Variants in PDE8A observed in about 807,000 individuals in gnomAD.
PDE8A encodes phosphodiesterase 8A, also known as high affinity cAMP-specific and IBMX-insensitive 3',5'-cyclic phosphodiesterase 8A.
Under a neutral mutation model 105.0 loss-of-function variants are expected in PDE8A, and 59 were observed. That is an observed-to-expected ratio of 0.56 (90% confidence interval 0.46 to 0.70). The LOEUF (loss-of-function observed/expected upper bound fraction) is 0.70, where lower values mean the gene tolerates loss of function less well. Among genes scored for constraint, PDE8A ranks in the 30% least tolerant of loss-of-function variants. The probability of loss-of-function intolerance (pLI) is 0.00; values close to 1 mark genes in which losing one functional copy is unlikely to be tolerated. For missense variants in PDE8A, 1,014 were observed against 1,045.9 expected, an observed-to-expected ratio of 0.97 and a Z score of 0.42; for synonymous variants, 355 against 371.9, an observed-to-expected ratio of 0.95 and a Z score of 0.52.
intron 1 of PDE8A, among the ~76,000 whole-genome samples, chr15:85,031,729 C>T (rs1444414840): frequency 6.6e-6 from 1 of 152,094 alleles, no homozygotes; most frequent in African/African-American, 2.4e-5. Flanking sequence ...TTAAGATGTT[C>T]TGTGGTACAT....
At chr15:84,984,780 A>C (rs1045306972) in intron 1 of PDE8A, among the ~76,000 whole-genome samples, 3 of 152,212 alleles carry the variant, frequency 2.0e-5, no homozygotes, top group Admixed American at 2.0e-4. Flanking sequence ...AATATCCCTA[A>C]TCAGAAAATG....
Position 85,117,711 on chromosome 15 carries a change from T to G in PDE8A, c.1606T>G (p.Ser536Ala). 1 of 1,614,040 alleles carries G rather than the reference T, an allele frequency of 6.2e-7. No individual in the cohort carries two copies. The highest frequency in any genetic ancestry group is 1.7e-5 in the Admixed American group (1 of 60,032). Reference protein sequence around the residue: ...GICEFLHCSESTLRSWLQIIE... With the variant: ...GICEFLHCSEATLRSWLQIIE... ...CTGTGAATTCTTACACTGCTCCGAG[T>G]CAACGCTAAGATCATGGTTACAAAT... The change falls in exon 17 of 22, where the codon TCA becomes GCA. Residue 536 changes from serine to alanine, a missense_variant. Ser to Ala is a moderately conservative substitution (Grantham distance 99, BLOSUM62 1). Coordinates refer to ENST00000394553, the MANE Select transcript of PDE8A (RefSeq NM_002605.3).
chr15:85,109,144 A>G lies in PDE8A; in HGVS notation c.1114+14A>G. On this transcript the variant is annotated intron_variant, in intron 12 of 21. Coordinates refer to ENST00000394553, the MANE Select transcript of PDE8A (RefSeq NM_002605.3). ...GTGCAACTGAAGGTGAGTGACAAAG[A>G]CAAGAGAAAAAAATGTGATCAAATC... 1.9e-6 allele frequency: 3 copies of G among 1,583,882 alleles called. No individual in the cohort carries two copies. Among genetic ancestry groups the G allele is most frequent in the Non-Finnish European group, 2.6e-6 (3 of 1,153,304 alleles).
intron 1 of PDE8A, among the ~76,000 whole-genome samples, chr15:85,044,539 A>G (rs76564153): frequency 0.028 from 4,283 of 152,324 alleles, 95 homozygotes; most frequent in Non-Finnish European, 0.045. Flanking sequence ...CCAAATTTCC[A>G]TGCCACAATG....
chr15:85,012,958 A>G (rs963859399), intron 1 of PDE8A, among the ~76,000 whole-genome samples: 5 of 152,198 alleles, frequency 3.3e-5, no homozygotes, highest in African/African-American at 1.2e-4. Flanking sequence ...GGAGAACCTG[A>G]TCCACTGTTA....
intron 1 of PDE8A, among the ~76,000 whole-genome samples, chr15:84,990,635 G>C (rs1213999397): frequency 1.2e-4 from 18 of 152,070 alleles, no homozygotes; most frequent in Admixed American, 1.1e-3. Context: ...TTTTGTTATT[G>C]GATACTAGGG....
At chr15:85,042,474 C>G (rs1411361294) in intron 1 of PDE8A, among the ~76,000 whole-genome samples, 1 of 152,168 alleles carries the variant, frequency 6.6e-6, no homozygotes, top group Non-Finnish European at 1.5e-5. Context: ...ATGGTTTTAA[C>G]AGTACAGCCT....
intron 1 of PDE8A, among the ~76,000 whole-genome samples, chr15:85,056,631 A>G (rs1035673635): frequency 6.6e-5 from 10 of 152,170 alleles, no homozygotes; most frequent in Non-Finnish European, 1.3e-4. Context: ...TGTGTCACAT[A>G]GTTCTCATGT....
Position 85,075,857 on chromosome 15 carries a change from T to C in PDE8A, c.435-5T>C. On this transcript the variant is annotated splice_polypyrimidine_tract_variant and splice_region_variant and intron_variant, in intron 3 of 21. Coordinates refer to ENST00000394553, the MANE Select transcript of PDE8A (RefSeq NM_002605.3). Reference sequence around the variant, plus strand: ...TTTATTTTAAAGTTTTGTGTTTTTTTTAAGGTCTATCAGATCATCAAAACT... The same window carrying C: ...TTTATTTTAAAGTTTTGTGTTTTTTCTAAGGTCTATCAGATCATCAAAACT... The C allele has an allele frequency of 6.8e-7, 1 of 1,479,694 alleles. No individual in the cohort carries two copies. Among genetic ancestry groups the C allele is most frequent in the Non-Finnish European group, 9.3e-7 (1 of 1,075,460 alleles). 91.7% of individuals were successfully genotyped at this position (1,479,694 alleles called of 1,614,324 possible).
chr15:85,008,515 A>G (rs559763207), intron 1 of PDE8A, among the ~76,000 whole-genome samples: 1 of 151,834 alleles, frequency 6.6e-6, no homozygotes, highest in Non-Finnish European at 1.5e-5. Flanking sequence ...TCTGGGCCCC[A>G]TTTTTAATAA....
chr15:84,997,289 GC>G (rs1393236446), intron 1 of PDE8A, among the ~76,000 whole-genome samples: 1 of 151,868 alleles, frequency 6.6e-6, no homozygotes, highest in African/African-American at 2.4e-5. Context: ...TGTCTCCTGG[GC>G]TCAAGTGATC....
intron 1 of PDE8A, among the ~76,000 whole-genome samples, chr15:85,057,386 C>T (rs1372332703): frequency 6.6e-6 from 1 of 152,198 alleles, no homozygotes; most frequent in South Asian, 2.1e-4. Context: ...GCCTTTTGTT[C>T]AGCTATGCCC....
At chr15:85,005,674 A>G (rs2080134797) in intron 1 of PDE8A, among the ~76,000 whole-genome samples, 1 of 152,182 alleles carries the variant, frequency 6.6e-6, no homozygotes, top group Non-Finnish European at 1.5e-5. Context: ...CACCTTATAC[A>G]CCTGTGGTGA....
chr15:85,107,584 A>G (rs1413294662), intron 11 of PDE8A, among the ~76,000 whole-genome samples: 1 of 152,156 alleles, frequency 6.6e-6, no homozygotes, highest in Admixed American at 6.6e-5. Flanking sequence ...TGGCTGACCC[A>G]GTGGAAGGAG....
chr15:85,057,681 C>T (rs766833040), intron 1 of PDE8A, among the ~76,000 whole-genome samples: 12 of 152,212 alleles, frequency 7.9e-5, no homozygotes, highest in Non-Finnish European at 1.6e-4. Flanking sequence ...TGTGCTCGTA[C>T]ATGGCTTTTT....
chr15:85,019,379 T>G (rs986713330), intron 1 of PDE8A, among the ~76,000 whole-genome samples: 2 of 151,958 alleles, frequency 1.3e-5, no homozygotes, highest in African/African-American at 4.8e-5. Context: ...TTTAAAAAAT[T>G]TTTGATTTGA....
chr15:84,983,692 T>C (rs1372993725), intron 1 of PDE8A, among the ~76,000 whole-genome samples: 1 of 152,242 alleles, frequency 6.6e-6, no homozygotes, highest in African/African-American at 2.4e-5. Flanking sequence ...TTTAAAAAAG[T>C]GTTACACAGG....
intron 11 of PDE8A, among the ~76,000 whole-genome samples, chr15:85,103,430 C>T (rs66586912): frequency 0.092 from 14,008 of 152,166 alleles, 1,753 homozygotes; most frequent in African/African-American, 0.29. Context: ...GAGCCACTTG[C>T]CCATCCTACC....
At position 85,100,190 on chromosome 15, in the gene PDE8A, C is replaced by G. The variant is rs2081837521; in HGVS notation, c.1028C>G (p.Thr343Ser). 5 of 1,612,882 alleles carry G rather than the reference C, an allele frequency of 3.1e-6. No homozygotes were observed. In the South Asian group the frequency reaches 4.4e-5, roughly 14 times the overall value. ...EKISECVQSD[T>S]HTDNQTGKHK... is the part of the protein sequence containing the mutation. ...ATATCCGAATGTGTTCAGTCTGACA[C>G]TCATACAGGTACGGTGCCCCGTATT... Residue 343 changes from threonine (T) to serine (S), a missense_variant, in exon 11 of 22, where the codon ACT becomes AGT. Physicochemically the swap from Thr to Ser is moderately conservative, Grantham distance 58 (BLOSUM62 1). Transcript: ENST00000394553.
Sources: allele counts gnomAD v4.1 joint callset (sites outside exome capture counted in the v4.1 genomes callset), GRCh38; gene constraint gnomAD v4.1.1; transcripts MANE v1.5; gene names NCBI Gene and HGNC (gene_info 2026-07-23, HGNC 2026-07-21).